Variants in ZNF804A observed in about 807,000 individuals in gnomAD.
ZNF804A encodes zinc finger protein 804A.
Under a neutral mutation model 16.5 loss-of-function variants are expected in ZNF804A, and 2 were observed. The observed-to-expected ratio is 0.12, with a 90% CI of 0.05 to 0.38. The LOEUF (loss-of-function observed/expected upper bound fraction) is 0.38. Among genes scored for constraint, ZNF804A ranks in the 10% least tolerant of loss-of-function variants. The pLI, the probability that ZNF804A is intolerant of heterozygous loss-of-function variation, is 0.99. For synonymous variants in ZNF804A, 534 were observed against 489.6 expected, an observed-to-expected ratio of 1.09 and a Z score of -1.20; for missense variants, 1,473 against 1,390.7, an observed-to-expected ratio of 1.06 and a Z score of -0.94.
chr2:184,927,964 C>T (rs1220339586), intron 2 of ZNF804A, among the ~76,000 whole-genome samples: 1 of 151,992 alleles, frequency 6.6e-6, no homozygotes, highest in Admixed American at 6.6e-5. Flanking sequence ...TCATTTGGTG[C>T]TCTATCTCCC....
intron 2 of ZNF804A, among the ~76,000 whole-genome samples, chr2:184,924,006 GT>G: frequency 1.1e-5 from 1 of 88,372 alleles, no homozygotes; most frequent in Non-Finnish European, 2.7e-5. Context: ...ATGTAGTTTT[GT>G]TTTGTGTGTG....
intron 2 of ZNF804A, among the ~76,000 whole-genome samples, chr2:184,931,390 G>A (rs1234470200): frequency 6.6e-6 from 1 of 152,342 alleles, no homozygotes; most frequent in Non-Finnish European, 1.5e-5. Context: ...TGAAATCTAG[G>A]CAGAGGTTCC....
At chr2:184,903,937 G>A (rs1685229400) in intron 2 of ZNF804A, among the ~76,000 whole-genome samples, 1 of 151,844 alleles carries the variant, frequency 6.6e-6, no homozygotes, top group Non-Finnish European at 1.5e-5. Context: ...AATTGCCTCT[G>A]TTTGCAGATG....
chr2:184,618,693 C>G (rs901871863), intron 1 of ZNF804A, among the ~76,000 whole-genome samples: 1 of 152,054 alleles, frequency 6.6e-6, no homozygotes, highest in East Asian at 1.9e-4. Flanking sequence ...CTGAAACCTT[C>G]TATATACTAT....
intron 1 of ZNF804A, among the ~76,000 whole-genome samples, chr2:184,808,783 A>C (rs948253370): frequency 1.3e-5 from 2 of 151,700 alleles, no homozygotes; most frequent in African/African-American, 4.8e-5. Context: ...AATCACAACA[A>C]AACAACGACT....
chr2:184,646,755 C>T (rs1691882121), intron 1 of ZNF804A, among the ~76,000 whole-genome samples: 1 of 152,230 alleles, frequency 6.6e-6, no homozygotes, highest in Admixed American at 6.5e-5. Context: ...AACTTGAGGC[C>T]ATGGAGATTT....
chr2:184,878,723 C>T (rs1294904446), intron 2 of ZNF804A, among the ~76,000 whole-genome samples: 3 of 151,888 alleles, frequency 2.0e-5, no homozygotes, highest in Non-Finnish European at 4.4e-5. Flanking sequence ...AATAAGAAAG[C>T]AAAAATGTAT....
At position 184,935,947 on chromosome 2, in the gene ZNF804A, C is replaced by T; in HGVS notation, c.551C>T (p.Ala184Val). The T allele has an allele frequency of 1.2e-6, 2 of 1,613,892 alleles. No homozygotes were observed. Among genetic ancestry groups the T allele is most frequent in the Admixed American group, 1.7e-5 (1 of 59,970 alleles). ...EENTKDATTV[A>V]EDPESANNYT... ...AATACTAAAGATGCTACCACTGTTG[C>T]TGAAGATCCAGAAAGTGCAAATAAT... Residue 184 changes from alanine to valine, a missense_variant, in exon 4 of 4, where the codon GCT (alanine) becomes GTT (valine). Transcript: ENST00000302277.
At chr2:184,759,532 T>C (rs1189064675) in intron 1 of ZNF804A, among the ~76,000 whole-genome samples, 1 of 151,988 alleles carries the variant, frequency 6.6e-6, no homozygotes, top group Non-Finnish European at 1.5e-5. Context: ...AGAACATGAA[T>C]ACTAAATAGT....
chr2:184,926,335 A>G (rs1007690515), intron 2 of ZNF804A, among the ~76,000 whole-genome samples: 5 of 151,600 alleles, frequency 3.3e-5, no homozygotes, highest in Non-Finnish European at 7.4e-5. Context: ...ACTCTCTCCT[A>G]GCCTGTACAG....
At chr2:184,748,711 T>C (rs1693832553) in intron 1 of ZNF804A, among the ~76,000 whole-genome samples, 1 of 151,608 alleles carries the variant, frequency 6.6e-6, no homozygotes, top group Non-Finnish European at 1.5e-5. Flanking sequence ...AGGATTTTTA[T>C]TGTTTGAGGT....
intron 1 of ZNF804A, among the ~76,000 whole-genome samples, chr2:184,770,538 TG>T (rs1558956667): frequency 7.6e-6 from 1 of 132,342 alleles, no homozygotes; most frequent in Non-Finnish European, 1.5e-5. Context: ...CAAACATTTA[TG>T]TTCTTTATGA....
At chr2:184,725,309 T>C (rs1693390120) in intron 1 of ZNF804A, among the ~76,000 whole-genome samples, 1 of 151,862 alleles carries the variant, frequency 6.6e-6, no homozygotes, top group African/African-American at 2.4e-5. Flanking sequence ...AATATTTAAA[T>C]CATATTTCTA....
intron 1 of ZNF804A, among the ~76,000 whole-genome samples, chr2:184,812,608 G>T (rs1040298776): frequency 3.9e-5 from 6 of 152,082 alleles, no homozygotes; most frequent in Non-Finnish European, 8.8e-5. Flanking sequence ...GAAAAAAGGG[G>T]ACAAAATTCC....
chr2:184,701,482 ATGAG>A (rs1395260273), intron 1 of ZNF804A, among the ~76,000 whole-genome samples: 1 of 151,938 alleles, frequency 6.6e-6, no homozygotes, highest in Non-Finnish European at 1.5e-5. Flanking sequence ...GCCTGAAATC[ATGAG>A]TAAGAAGGCA....
chr2:184,748,206 T>C (rs146536735), intron 1 of ZNF804A, among the ~76,000 whole-genome samples: 36 of 151,578 alleles, frequency 2.4e-4, no homozygotes, highest in Non-Finnish European at 4.7e-4. Context: ...TCCAAATTGC[T>C]TACCATGCTG....
chr2:184,643,510 T>C (rs576153974), intron 1 of ZNF804A, among the ~76,000 whole-genome samples: 9 of 152,070 alleles, frequency 5.9e-5, no homozygotes, highest in African/African-American at 9.6e-5. Flanking sequence ...AGTATACCTA[T>C]AACTCAAGAG....
At chr2:184,890,803 C>G (rs1412247264) in intron 2 of ZNF804A, among the ~76,000 whole-genome samples, 1 of 150,312 alleles carries the variant, frequency 6.7e-6, no homozygotes, top group Non-Finnish European at 1.5e-5. Context: ...TATTTTATAT[C>G]TGATTTATTA....
chr2:184,885,775 G>T (rs547222228), intron 2 of ZNF804A, among the ~76,000 whole-genome samples: 1 of 151,968 alleles, frequency 6.6e-6, no homozygotes, highest in African/African-American at 2.4e-5. Flanking sequence ...TGAGACTTAC[G>T]CACTTTCACA....
Sources: allele counts gnomAD v4.1 joint callset (sites outside exome capture counted in the v4.1 genomes callset), GRCh38; gene constraint gnomAD v4.1.1; transcripts MANE v1.5; gene names NCBI Gene and HGNC (gene_info 2026-07-23, HGNC 2026-07-21).